CAST: variants seen among roughly 807,000 people sequenced by gnomAD.
CAST encodes calpastatin, also known as MIR583 host.
A neutral mutation model predicts 119.6 loss-of-function variants in CAST; 76 were observed. That is an observed-to-expected ratio of 0.64 (90% confidence interval 0.53 to 0.77). CAST has a LOEUF of 0.77. Ranked by LOEUF, CAST falls within the 30% of genes least tolerant of loss-of-function variation. The pLI, the probability that CAST is intolerant of heterozygous loss-of-function variation, is 0.00. For missense variants in CAST, 953 were observed against 946.5 expected (o/e 1.01, Z -0.09); for synonymous variants, 319 against 331.6 (o/e 0.96, Z 0.41).
At chr5:96,662,322 T>TGCCCC, upstream of CAST, 1 of 567,042 alleles carries the variant, frequency 1.8e-6, no homozygotes, top group Non-Finnish European at 2.5e-6. Flanking sequence ...GGCCCTCCGC[T>TGCCCC]CCCTCCCTCC....
rs6878697 is a variant in CAST at position 96,551,502 on chromosome 5, T to A, written c.60+21622T>A. On this transcript the variant is annotated intron_variant, in intron 1 of 11. Transcript: ENST00000505143. ...AAGACCATCGACACTATGAAGAAAC[T>A]GTATCAATTAATGGGTGAAATAACC... 4.4e-3 allele frequency among the ~76,000 whole-genome samples: 677 copies of A among 152,238 alleles called. 4 individuals are homozygous for A. Among genetic ancestry groups the A allele is most frequent in the African/African-American group, 0.015 (611 of 41,534 alleles).
chr5:96,412,957 G>A, the CAST span: 3 of 1,021,160 alleles, frequency 2.9e-6, no homozygotes, highest in Non-Finnish European at 3.5e-6. Flanking sequence ...GCCCTCTGGT[G>A]ATGCACCTCC....
the CAST span, among the ~76,000 whole-genome samples, chr5:96,515,577 A>G: frequency 9.9e-5 from 15 of 152,108 alleles, no homozygotes; most frequent in Non-Finnish European, 1.2e-4. Flanking sequence ...CCTCAGTGCC[A>G]GTAATATTTC....
chr5:96,734,393 A>T (rs1166116559), intron 9 of CAST, among the ~76,000 whole-genome samples: 1 of 152,164 alleles, frequency 6.6e-6, no homozygotes, highest in Non-Finnish European at 1.5e-5. Context: ...TGGGATAGAG[A>T]TAGGAAGGTA....
In CAST at chr5:96,770,600, A is replaced by C. The variant is rs1179846653; in HGVS notation, c.2338A>C (p.Lys780Gln). ...KNGGKAKDSAKTTEETSKPKD... is the reference protein window; with the variant it reads ...KNGGKAKDSAQTTEETSKPKD... Reference sequence around the variant, plus strand: ...TGGAGGTAAAGCGAAGGATTCAGCAAAGGTAAATGGAGCAGTAAATATACT... The same window carrying C: ...TGGAGGTAAAGCGAAGGATTCAGCACAGGTAAATGGAGCAGTAAATATACT... Residue 780 changes from lysine (K) to glutamine (Q), a missense_variant and splice_region_variant, in exon 30 of 32, where the codon AAG (lysine) becomes CAG (glutamine). By Grantham distance (53) the Lys-to-Gln change is moderately conservative (BLOSUM62 1). Transcript: ENST00000675179. 6.2e-7 allele frequency: 1 copy of C among 1,606,740 alleles called. No individual in the cohort carries two copies. The highest frequency in any genetic ancestry group is 2.2e-5 in the East Asian group (1 of 44,820).
chr5:96,182,834 T>C, the CAST span, among the ~76,000 whole-genome samples: 1 of 152,194 alleles, frequency 6.6e-6, no homozygotes. Flanking sequence ...TAATACAGTC[T>C]ACTTTAATAA....
chr5:96,239,753 C>T, the CAST span, among the ~76,000 whole-genome samples: 7 of 151,674 alleles, frequency 4.6e-5, no homozygotes, highest in African/African-American at 1.7e-4. Context: ...TATTATTTCT[C>T]TCATCTTTTA....
the CAST span, among the ~76,000 whole-genome samples, chr5:96,269,291 C>T: frequency 6.6e-6 from 1 of 152,122 alleles, no homozygotes; most frequent in East Asian, 1.9e-4. Context: ...ATATACCCAA[C>T]AATGGAGCTT....
intron 1 of CAST, among the ~76,000 whole-genome samples, chr5:96,630,383 AG>A (rs1747799918): frequency 1.3e-5 from 2 of 152,234 alleles, no homozygotes; most frequent in Non-Finnish European, 2.9e-5. Flanking sequence ...CGAGGCAGAG[AG>A]GCTACATCAA....
the CAST span, among the ~76,000 whole-genome samples, chr5:96,046,676 G>A: frequency 6.6e-6 from 1 of 152,156 alleles, no homozygotes; most frequent in African/African-American, 2.4e-5. Context: ...TTACAAAAGA[G>A]TAATAAGACA....
intron 15 of CAST, chr5:96,742,038 CAT>C (rs1491579783): frequency 4.3e-5 from 7 of 164,630 alleles, no homozygotes; most frequent in African/African-American, 1.2e-4. Flanking sequence ...GCTGGGAACA[CAT>C]GTCTCCTCTG....
intron 1 of CAST, among the ~76,000 whole-genome samples, chr5:96,578,184 T>G (rs1331450776): frequency 6.6e-6 from 1 of 152,148 alleles, no homozygotes; most frequent in Non-Finnish European, 1.5e-5. Flanking sequence ...TGTCTCTCTT[T>G]GTTGTTAGCA....
At chr5:96,531,616 A>G (rs1745690539) in intron 1 of CAST, among the ~76,000 whole-genome samples, 3 of 152,216 alleles carry the variant, frequency 2.0e-5, no homozygotes, top group South Asian at 2.1e-4. Flanking sequence ...TAAATAGACA[A>G]TTTAAGATCA....
chr5:96,334,913 A>G, the CAST span, among the ~76,000 whole-genome samples: 44 of 152,188 alleles, frequency 2.9e-4, no homozygotes, highest in Admixed American at 2.9e-3. Flanking sequence ...AATGAGCATG[A>G]GCGCCTTCCA....
At chr5:96,227,835 C>T in the CAST span, among the ~76,000 whole-genome samples, 18 of 152,156 alleles carry the variant, frequency 1.2e-4, no homozygotes, top group African/African-American at 3.9e-4. Context: ...CTTTCCCACA[C>T]TCGCTTGTGT....
the CAST span, among the ~76,000 whole-genome samples, chr5:96,135,259 G>A: frequency 6.6e-6 from 1 of 152,200 alleles, no homozygotes; most frequent in Non-Finnish European, 1.5e-5. Flanking sequence ...AAGCAAGAGT[G>A]TGTAAAGGGA....
chr5:96,078,145 T>C, the CAST span, among the ~76,000 whole-genome samples: 13 of 152,170 alleles, frequency 8.5e-5, no homozygotes, highest in Admixed American at 1.3e-4. Context: ...ATGATAAAGG[T>C]ACTAATTCCA....
At chr5:96,221,923 G>A in the CAST span, among the ~76,000 whole-genome samples, 1 of 152,068 alleles carries the variant, frequency 6.6e-6, no homozygotes, top group Non-Finnish European at 1.5e-5. Context: ...CAGTCGACGA[G>A]GAACAGAATA....
chr5:96,158,979 G>T, the CAST span, among the ~76,000 whole-genome samples: 1 of 152,154 alleles, frequency 6.6e-6, no homozygotes, highest in Admixed American at 6.5e-5. Context: ...ATTGCATTTT[G>T]TGACCCTCTT....
Sources: gnomAD v4.1 joint callset for allele counts (sites outside exome capture counted in the v4.1 genomes callset) on GRCh38, gnomAD v4.1.1 for gene constraint, MANE v1.5 for transcripts, NCBI Gene and HGNC (gene_info 2026-07-23, HGNC 2026-07-21) for gene names.